Variants in KIAA1217 observed in about 807,000 individuals in gnomAD.
KIAA1217 encodes the protein KIAA1217.
A neutral mutation model predicts 163.9 loss-of-function variants in KIAA1217; 88 were observed. The ratio of observed to expected loss-of-function variants is 0.54; its 90% CI spans 0.45 to 0.64. The LOEUF (loss-of-function observed/expected upper bound fraction) is 0.64, where lower values mean the gene tolerates loss of function less well. Among genes scored for constraint, KIAA1217 ranks in the 30% least tolerant of loss-of-function variants. The pLI is 0.00. For missense variants in KIAA1217, 2,372 were observed against 2,475.0 expected, an observed-to-expected ratio of 0.96 and a Z score of 0.88; for synonymous variants, 903 against 923.1, an observed-to-expected ratio of 0.98 and a Z score of 0.39.
intron 1 of KIAA1217, among the ~76,000 whole-genome samples, chr10:23,972,692 G>C (rs1057074623): frequency 1.3e-5 from 2 of 152,002 alleles, no homozygotes; most frequent in Non-Finnish European, 2.9e-5. Flanking sequence ...CAATAGCAAA[G>C]ACATGGAACC....
At chr10:23,857,760 C>T (rs538412477) in intron 1 of KIAA1217, among the ~76,000 whole-genome samples, 4 of 151,852 alleles carry the variant, frequency 2.6e-5, no homozygotes, top group Admixed American at 6.5e-5. Context: ...GAGAACTTTA[C>T]AAAGAATCAG....
chr10:24,458,276 GAACTGAA>G (rs1311562692), intron 5 of KIAA1217, among the ~76,000 whole-genome samples: 1 of 152,196 alleles, frequency 6.6e-6, no homozygotes, highest in African/African-American at 2.4e-5. Context: ...CTTGCTATTT[GAACTGAA>G]AACACGAAGG....
chr10:24,367,239 C>T (rs921611391), intron 2 of KIAA1217: 9 of 795,448 alleles, frequency 1.1e-5, no homozygotes, highest in African/African-American at 1.1e-4. Flanking sequence ...TCGAGTTGCA[C>T]CCTCATCCTG....
intron 1 of KIAA1217, among the ~76,000 whole-genome samples, chr10:23,926,617 C>T (rs939455758): frequency 6.6e-6 from 1 of 151,964 alleles, no homozygotes; most frequent in African/African-American, 2.4e-5. Flanking sequence ...CCCAGCTACT[C>T]AGGAGGCTGA....
At chr10:24,132,367 G>A (rs1479302796) in intron 2 of KIAA1217, among the ~76,000 whole-genome samples, 1 of 152,202 alleles carries the variant, frequency 6.6e-6, no homozygotes, top group Non-Finnish European at 1.5e-5. Flanking sequence ...AAATAGCCCT[G>A]TGGTTGGTCC....
At chr10:23,873,305 G>A (rs1840545817) in intron 1 of KIAA1217, among the ~76,000 whole-genome samples, 1 of 151,744 alleles carries the variant, frequency 6.6e-6, no homozygotes, top group Admixed American at 6.6e-5. Context: ...CCTTTAAAAA[G>A]GATATTATCA....
intron 1 of KIAA1217, among the ~76,000 whole-genome samples, chr10:23,995,450 C>CTGTGTGTGTG (rs58865993): frequency 5.3e-4 from 78 of 147,828 alleles, no homozygotes; most frequent in African/African-American, 1.7e-3. Context: ...CAATTATGGC[C>CTGTGTGTGTG]TGTGTGTGTG....
At chr10:23,765,131 AG>A (rs772003152) in intron 1 of KIAA1217, among the ~76,000 whole-genome samples, 1 of 150,702 alleles carries the variant, frequency 6.6e-6, no homozygotes, top group Non-Finnish European at 1.5e-5. Context: ...TAAACACCAT[AG>A]GACTCTTGTC....
At chr10:24,173,354 T>C (rs987844922) in intron 2 of KIAA1217, among the ~76,000 whole-genome samples, 5 of 152,120 alleles carry the variant, frequency 3.3e-5, no homozygotes, top group African/African-American at 1.2e-4. Flanking sequence ...TCATTATATA[T>C]TACAATGTAA....
Position 24,543,815 on chromosome 10 carries a change from A to G in KIAA1217, c.4545A>G (p.Gln1515=). 1 of 1,614,072 alleles carries G rather than the reference A, an allele frequency of 6.2e-7. No homozygotes were observed. Among genetic ancestry groups the G allele is most frequent in the Non-Finnish European group, 8.5e-7 (1 of 1,179,994 alleles). Residue 1515 remains glutamine (Q), a synonymous_variant, in exon 19 of 21, where the codon CAA becomes CAG. Transcript: ENST00000376454. ...KVAPGNLRTG[Q]QVETKSQPHS... ...CCCCAGGCAATCTTAGAACCGGACAACAGGTGGAAACAAAGTCACAGCCAC... is the reference window on the plus strand; with the variant it reads ...CCCCAGGCAATCTTAGAACCGGACAGCAGGTGGAAACAAAGTCACAGCCAC...
At chr10:23,881,227 AC>A (rs1338261826) in intron 1 of KIAA1217, among the ~76,000 whole-genome samples, 2 of 152,122 alleles carry the variant, frequency 1.3e-5, no homozygotes, top group East Asian at 3.9e-4. Context: ...TAAGTTTTTA[AC>A]CATTGAAATT....
intron 1 of KIAA1217, among the ~76,000 whole-genome samples, chr10:23,706,949 A>G (rs532973593): frequency 1.3e-5 from 2 of 152,226 alleles, no homozygotes; most frequent in South Asian, 2.1e-4. Context: ...CCAGGCGGGG[A>G]CCTGTTATTG....
At chr10:24,544,535 A>G in intron 19 of KIAA1217, 54 bp downstream of exon 19, 4 of 1,544,028 alleles carry the variant, frequency 2.6e-6, no homozygotes, top group Non-Finnish European at 3.5e-6. Flanking sequence ...TAAATCTGCC[A>G]TAATCACCAT....
intron 1 of KIAA1217, among the ~76,000 whole-genome samples, chr10:23,958,672 A>C (rs905830134): frequency 6.6e-6 from 1 of 152,122 alleles, no homozygotes; most frequent in Non-Finnish European, 1.5e-5. Context: ...AGAGAGAGAG[A>C]GAGAGTGAGA....
At chr10:23,705,681 C>G (rs1281905980) in intron 1 of KIAA1217, among the ~76,000 whole-genome samples, 1 of 152,076 alleles carries the variant, frequency 6.6e-6, no homozygotes, top group East Asian at 1.9e-4. Context: ...GTGAGTTATT[C>G]AACTTTGTTC....
intron 2 of KIAA1217, among the ~76,000 whole-genome samples, chr10:24,038,461 C>T (rs1410318309): frequency 1.3e-5 from 2 of 152,166 alleles, no homozygotes; most frequent in Non-Finnish European, 2.9e-5. Context: ...GATTAGGTGA[C>T]AAGTGAAATG....
intron 1 of KIAA1217, among the ~76,000 whole-genome samples, chr10:23,736,920 T>C (rs1374415807): frequency 2.6e-5 from 4 of 152,206 alleles, no homozygotes; most frequent in Non-Finnish European, 4.4e-5. Flanking sequence ...CTTCCATATA[T>C]ATTTCGGAAT....
At chr10:24,104,387 A>T (rs1398186800) in intron 2 of KIAA1217, among the ~76,000 whole-genome samples, 1 of 152,220 alleles carries the variant, frequency 6.6e-6, no homozygotes, top group African/African-American at 2.4e-5. Flanking sequence ...TCTTAAATGC[A>T]TACTACTAAG....
intron 1 of KIAA1217, among the ~76,000 whole-genome samples, chr10:23,938,479 C>T (rs1286695764): frequency 6.6e-6 from 1 of 151,424 alleles, no homozygotes; most frequent in East Asian, 1.9e-4. Context: ...CAACCAACTA[C>T]AGACCAAAAA....
Sources: gnomAD v4.1 joint callset for allele counts (sites outside exome capture counted in the v4.1 genomes callset) on GRCh38, gnomAD v4.1.1 for gene constraint, MANE v1.5 for transcripts, NCBI Gene and HGNC (gene_info 2026-07-23, HGNC 2026-07-21) for gene names.